ECHDC2: variants seen among roughly 807,000 people sequenced by gnomAD.
The protein encoded by ECHDC2 is enoyl-CoA hydratase domain containing 2.
Under a neutral mutation model 40.6 loss-of-function variants are expected in ECHDC2, and 34 were observed. That is an observed-to-expected ratio of 0.84 (90% CI 0.64 to 1.11). The LOEUF (loss-of-function observed/expected upper bound fraction) is 1.11. Among genes scored for constraint, ECHDC2 ranks in the 50% most tolerant of loss-of-function variants. The pLI, the probability that ECHDC2 is intolerant of heterozygous loss-of-function variation, is 0.00. For missense variants in ECHDC2, 392 were observed against 400.7 expected (o/e 0.98, Z 0.19); for synonymous variants, 162 against 166.6 (o/e 0.97, Z 0.21).
chr1:52,897,464 C>T lies in ECHDC2; in HGVS notation c.774G>A (p.Met258Ile). ...RGTEVDIASG[M>I]AIEGMCYAQN... is the part of the protein sequence containing the mutation. ...GGGCATAGCACATCCCTTCAATGGCCATCCCAGATGCAATGTCCACCTGCA... is the reference window on the plus strand; with the variant it reads ...GGGCATAGCACATCCCTTCAATGGCTATCCCAGATGCAATGTCCACCTGCA... The change falls in exon 9 of 10, where the codon ATG (methionine) becomes ATA (isoleucine). Residue 258 changes from methionine to isoleucine, a missense_variant. By Grantham distance (10) the Met-to-Ile change is conservative. Coordinates refer to ENST00000371522, the MANE Select transcript of ECHDC2 (RefSeq NM_001198961.2). 1 of 1,614,218 alleles carries T rather than the reference C, an allele frequency of 6.2e-7. No individual in the cohort carries two copies. The highest frequency in any genetic ancestry group is 8.5e-7 in the Non-Finnish European group (1 of 1,180,044).
At position 52,914,123 on chromosome 1, in the gene ECHDC2, T is replaced by C. The variant is rs1346107436; in HGVS notation, c.122-2333A>G. ...AGTGGGGAAGACAGACATTAAATAA[T>C]TACTATTTGTGAGGAGAACTTGGAG... On this transcript the variant is annotated intron_variant, in intron 1 of 9. Coordinates refer to ENST00000371522, the MANE Select transcript of ECHDC2 (RefSeq NM_001198961.2). The surrounding 1 kb of genome is among the most constrained non-coding windows in gnomAD (Gnocchi z 4.0). 4 of 505,018 alleles carry C rather than the reference T, an allele frequency of 7.9e-6. No homozygotes were observed. Among genetic ancestry groups the C allele is most frequent in the South Asian group, 4.6e-5 (3 of 65,460 alleles). The allele number at this position is 505,018 out of a possible 1,614,324, so 31.3% of individuals were successfully genotyped here. A position where few individuals can be genotyped will look rare whatever the true frequency, so the allele number is the denominator to read the frequency against.
chr1:52,904,573 A>G, intron 7 of ECHDC2, 73 bp downstream of exon 7: 2 of 1,360,674 alleles, frequency 1.5e-6, no homozygotes, highest in African/African-American at 1.4e-5. Context: ...GTGCAGCCCA[A>G]GGGGACACCC....
intron 1 of ECHDC2, chr1:52,913,157 C>G (rs1649942229): frequency 6.6e-6 from 1 of 152,172 alleles, no homozygotes; most frequent in Non-Finnish European, 1.5e-5. Flanking sequence ...GGTATTTGAC[C>G]TACAGGGTTT....
Position 52,896,365 on chromosome 1 carries a change from A to T in ECHDC2, c.*155T>A. ...GTGGTAGGATCAGCACCTTGGTTCC[A>T]GGCATCACGCCAGTCATTTTATTTC... On this transcript the variant is annotated 3_prime_UTR_variant, in exon 10 of 10. Transcript: ENST00000371522. 1.5e-6 allele frequency: 1 copy of T among 673,054 alleles called. No homozygotes were observed. The highest frequency in any genetic ancestry group is 2.7e-6 in the Non-Finnish European group (1 of 374,628). The allele number at this position is 673,054 out of a possible 1,614,324, so 41.7% of individuals were successfully genotyped here.
chr1:52,917,782 CAATGCAACACTCA>C (rs1251437713), intron 1 of ECHDC2, among the ~76,000 whole-genome samples: 1 of 152,102 alleles, frequency 6.6e-6, no homozygotes, highest in African/African-American at 2.4e-5. Flanking sequence ...CATCATAGCG[CAATGCAACACTCA>C]AATGCTGGTG....
chr1:52,917,797 A>C (rs1179536356), intron 1 of ECHDC2, among the ~76,000 whole-genome samples: 1 of 152,132 alleles, frequency 6.6e-6, no homozygotes, highest in Non-Finnish European at 1.5e-5. Context: ...CAACACTCAA[A>C]TGCTGGTGGT....
At chr1:52,916,196 T>G (rs541655841) in intron 1 of ECHDC2, among the ~76,000 whole-genome samples, 1 of 152,316 alleles carries the variant, frequency 6.6e-6, no homozygotes, top group East Asian at 1.9e-4. Context: ...GTGTGTGACT[T>G]TGAGTATCAA....
intron 3 of ECHDC2, among the ~76,000 whole-genome samples, chr1:52,909,795 C>G (rs1042833503): frequency 6.6e-6 from 1 of 152,146 alleles, no homozygotes; most frequent in Non-Finnish European, 1.5e-5. Flanking sequence ...CATTTTCAAT[C>G]TGCGGTTGGT....
In ECHDC2 at chr1:52,906,548, A is replaced by C; in HGVS notation, c.428T>G (p.Leu143Arg). 6.2e-7 allele frequency: 1 copy of C among 1,612,552 alleles called. No individual in the cohort carries two copies. The highest frequency in any genetic ancestry group is 8.5e-7 in the Non-Finnish European group (1 of 1,179,784). Reference sequence around the variant, plus strand: ...CACTCGGAGGTCACAGGCCAGGGCAAGCTCTAGGCCTCCGCCCAAGGCAAA... The same window carrying C: ...CACTCGGAGGTCACAGGCCAGGGCACGCTCTAGGCCTCCGCCCAAGGCAAA... ...DGFALGGGLE[L>R]ALACDLRVAA... is the part of the protein sequence containing the mutation. The change falls in exon 5 of 10, where the codon CTT becomes CGT. Residue 143 changes from leucine to arginine, a missense_variant. Physicochemically the swap from Leu to Arg is moderately radical, Grantham distance 102. Transcript: ENST00000371522.
At chr1:52,919,205 C>T (rs1651379628) in intron 1 of ECHDC2, among the ~76,000 whole-genome samples, 1 of 152,190 alleles carries the variant, frequency 6.6e-6, no homozygotes, top group South Asian at 2.1e-4. Flanking sequence ...TCCCTGCTGT[C>T]CTAGGCCTTC....
chr1:52,907,843 C>T, intron 4 of ECHDC2, 25 bp downstream of exon 4: 2 of 1,599,172 alleles, frequency 1.3e-6, no homozygotes, highest in Non-Finnish European at 8.6e-7. Context: ...AAACCCCCTC[C>T]TCCACCCCAC....
chr1:52,899,525 G>A, intron 7 of ECHDC2: 1 of 404,122 alleles, frequency 2.5e-6, no homozygotes, highest in Non-Finnish European at 4.5e-6. Flanking sequence ...CTCATCTAAT[G>A]GTGCTACCCA....
At chr1:52,911,992 C>A (rs950039711) in intron 1 of ECHDC2, 2 of 1,426,606 alleles carry the variant, frequency 1.4e-6, no homozygotes, top group Middle Eastern at 2.6e-4. Flanking sequence ...GCTCTTTCTG[C>A]CTCAGAGAGA....
chr1:52,920,738 T>A, intron 1 of ECHDC2: 1 of 539,326 alleles, frequency 1.9e-6, no homozygotes, highest in Non-Finnish European at 3.3e-6. Flanking sequence ...AAGAATAAAC[T>A]TTTGTTAAAA....
In ECHDC2 at chr1:52,918,374, AAG is replaced by A. The variant is rs1651181152; in HGVS notation, c.121+3177_121+3178del. On this transcript the variant is annotated intron_variant, in intron 1 of 9. Transcript: ENST00000371522. ...CCTACTTATTAAAAAAAAAAAAAAAAAGAAAAGAAAAAAGTTCAGTGTAACAC... is the reference window on the plus strand; with the variant it reads ...CCTACTTATTAAAAAAAAAAAAAAAAAAAAGAAAAAAGTTCAGTGTAACAC... Among the ~76,000 whole-genome samples the A allele has an allele frequency of 2.0e-5, 3 of 150,776 alleles. No homozygotes were observed. In the South Asian group the frequency reaches 6.2e-4, roughly 31 times the overall value.
At position 52,914,432 on chromosome 1, in the gene ECHDC2, T is replaced by G; in HGVS notation, c.122-2642A>C. Reference sequence around the variant, plus strand: ...AGAAGCCTGTTGCAGGCAGAGGGAGTGGCAGAGAAGAGGGCCCAGGTGTGG... The same window carrying G: ...AGAAGCCTGTTGCAGGCAGAGGGAGGGGCAGAGAAGAGGGCCCAGGTGTGG... On this transcript the variant is annotated intron_variant, in intron 1 of 9. Transcript: ENST00000371522. The surrounding 1 kb of genome is among the most constrained non-coding windows in gnomAD (Gnocchi z 4.0). 6.6e-6 allele frequency among the ~76,000 whole-genome samples: 1 copy of G among 151,400 alleles called. No homozygotes were observed.
intron 1 of ECHDC2, among the ~76,000 whole-genome samples, chr1:52,917,009 A>AG (rs1650826499): frequency 1.3e-5 from 2 of 152,080 alleles, no homozygotes; most frequent in Admixed American, 1.3e-4. Flanking sequence ...GGATCACCTG[A>AG]GTCAGGAGTT....
chr1:52,916,161 G>C (rs1002337288), intron 1 of ECHDC2, among the ~76,000 whole-genome samples: 1 of 152,320 alleles, frequency 6.6e-6, no homozygotes, highest in East Asian at 1.9e-4. Context: ...GACTTCTGAC[G>C]TACAGAAACT....
intron 1 of ECHDC2, among the ~76,000 whole-genome samples, chr1:52,921,037 C>A (rs983508083): frequency 3.3e-5 from 5 of 152,234 alleles, no homozygotes; most frequent in Admixed American, 1.3e-4. Context: ...TTGATCTTGG[C>A]CAAAAGGCGG....
Sources: gnomAD v4.1 joint callset for allele counts (sites outside exome capture counted in the v4.1 genomes callset) on GRCh38, gnomAD v4.1.1 for gene constraint, Gnocchi (gnomAD v3.1) non-coding constraint, MANE v1.5 for transcripts, NCBI Gene and HGNC (gene_info 2026-07-23, HGNC 2026-07-21) for gene names.